TIAM1: variants seen among roughly 807,000 people sequenced by gnomAD.
TIAM1 encodes TIAM Rac1 associated GEF 1, also known as rho guanine nucleotide exchange factor TIAM1.
In TIAM1, 65 loss-of-function variants were observed where a neutral mutation model predicts 163.5. That is an observed-to-expected ratio of 0.40 (90% CI 0.33 to 0.49). The LOEUF (loss-of-function observed/expected upper bound fraction) is 0.49, where lower values mean the gene tolerates loss of function less well. TIAM1 is among the 20% of genes least tolerant of loss of function. The pLI is 0.77. For synonymous variants in TIAM1, 833 were observed against 810.1 expected (o/e 1.03, Z -0.48); for missense variants, 1,789 against 2,044.7 (o/e 0.87, Z 2.41).
At chr21:31,164,902 T>C (rs901693980) in intron 16 of TIAM1, 60 bp downstream of exon 16, 293 of 1,549,880 alleles carry the variant, frequency 1.9e-4, no homozygotes, top group Non-Finnish European at 2.5e-4. Flanking sequence ...GTAGGTGACA[T>C]TGTCAGCTGT....
chr21:31,505,898 A>T (rs2047008109), intron 1 of TIAM1, among the ~76,000 whole-genome samples: 1 of 150,954 alleles, frequency 6.6e-6, no homozygotes, highest in Non-Finnish European at 1.5e-5. Context: ...AGTCCCAGCT[A>T]CTTGGGAGGC....
intron 2 of TIAM1, among the ~76,000 whole-genome samples, chr21:31,453,734 A>G (rs2044974240): frequency 6.6e-6 from 1 of 150,854 alleles, no homozygotes; most frequent in African/African-American, 2.4e-5. Flanking sequence ...AAATAAATAA[A>G]TTTTAAAAAA....
intron 2 of TIAM1, among the ~76,000 whole-genome samples, chr21:31,461,866 C>T (rs928243104): frequency 1.6e-4 from 25 of 152,194 alleles, no homozygotes; most frequent in Admixed American, 4.6e-4. Flanking sequence ...GGGGTCTCTC[C>T]GTGTTGCCCA....
intron 1 of TIAM1, among the ~76,000 whole-genome samples, chr21:31,527,518 G>A (rs985652698): frequency 1.3e-5 from 2 of 152,114 alleles, no homozygotes; most frequent in Non-Finnish European, 2.9e-5. Context: ...GACATTCGAA[G>A]AGCATGGGGA....
intron 27 of TIAM1, among the ~76,000 whole-genome samples, chr21:31,123,530 A>ATTAG (rs148997596): frequency 0.053 from 8,127 of 152,224 alleles, 712 homozygotes; most frequent in African/African-American, 0.19. Flanking sequence ...AGTCCCCTAA[A>ATTAG]TTAAATTTAA....
chr21:31,482,718 T>C (rs1468899682), intron 1 of TIAM1, among the ~76,000 whole-genome samples: 1 of 152,170 alleles, frequency 6.6e-6, no homozygotes, highest in Non-Finnish European at 1.5e-5. Context: ...CCTGCCCATG[T>C]GCATCTGGTA....
At chr21:31,209,684 T>C (rs534388227) in intron 11 of TIAM1, among the ~76,000 whole-genome samples, 58 of 152,338 alleles carry the variant, frequency 3.8e-4, no homozygotes, top group African/African-American at 1.3e-3. Context: ...AACGCCAAAA[T>C]GTTTGCAATG....
intron 15 of TIAM1, among the ~76,000 whole-genome samples, chr21:31,173,374 C>T (rs568975615): frequency 4.6e-5 from 7 of 152,248 alleles, no homozygotes; most frequent in African/African-American, 1.7e-4. Flanking sequence ...TTAGCTGGAA[C>T]TCAACTGTTA....
At chr21:31,308,206 G>A (rs943885676) in intron 2 of TIAM1, among the ~76,000 whole-genome samples, 12 of 152,132 alleles carry the variant, frequency 7.9e-5, no homozygotes, top group African/African-American at 1.9e-4. Context: ...AGCTAAGATC[G>A]CGCCACTGCA....
intron 14 of TIAM1, among the ~76,000 whole-genome samples, chr21:31,186,795 AG>A (rs1262922411): frequency 6.6e-6 from 1 of 152,202 alleles, no homozygotes; most frequent in Non-Finnish European, 1.5e-5. Flanking sequence ...AATTAAAAAA[AG>A]AAAAAAAAAG....
chr21:31,134,690 T>C (rs1382386188), intron 23 of TIAM1, among the ~76,000 whole-genome samples: 2 of 152,172 alleles, frequency 1.3e-5, no homozygotes, highest in Non-Finnish European at 2.9e-5. Context: ...TTTGTATTTT[T>C]AGTAAGGACG....
chr21:31,181,859 ACTGCAGCCTCAAACTCCTGGG>A (rs1180650622), intron 15 of TIAM1, among the ~76,000 whole-genome samples: 3 of 132,986 alleles, frequency 2.3e-5, no homozygotes, highest in African/African-American at 8.6e-5. Flanking sequence ...ATCACAGCTT[ACTGCAGCCTCAAACTCCTGGG>A]CCCAAGCGAT....
At chr21:31,533,530 G>A (rs958372404) in intron 1 of TIAM1, among the ~76,000 whole-genome samples, 1 of 152,062 alleles carries the variant, frequency 6.6e-6, no homozygotes, top group African/African-American at 2.4e-5. Flanking sequence ...AACCCAGGAG[G>A]CTCACTTGAG....
chr21:31,130,132 C>A, intron 25 of TIAM1, 81 bp downstream of exon 25: 14 of 1,166,300 alleles, frequency 1.2e-5, no homozygotes, highest in East Asian at 2.5e-5. Flanking sequence ...AGAGTTAGAC[C>A]AAGAGTGTGG....
At chr21:31,378,069 G>C (rs1346438840) in intron 2 of TIAM1, among the ~76,000 whole-genome samples, 1 of 149,642 alleles carries the variant, frequency 6.7e-6, no homozygotes, top group African/African-American at 2.5e-5. Context: ...CTGGGAGGTG[G>C]AGGTTGCAGT....
At chr21:31,210,814 G>GAAAGAAAGAAAGA (rs147674572) in intron 10 of TIAM1, among the ~76,000 whole-genome samples, 61 of 147,612 alleles carry the variant, frequency 4.1e-4, no homozygotes, top group African/African-American at 1.5e-3. Context: ...AAGAAAGAAA[G>GAAAGAAAGAAAGA]GTCACCATTC....
intron 4 of TIAM1, among the ~76,000 whole-genome samples, chr21:31,254,363 C>G (rs1169516106): frequency 6.6e-6 from 1 of 152,226 alleles, no homozygotes; most frequent in East Asian, 1.9e-4. Context: ...GACCTCATGA[C>G]TCAGCTGCAG....
intron 10 of TIAM1, among the ~76,000 whole-genome samples, chr21:31,212,251 C>T (rs2086922141): frequency 1.3e-5 from 2 of 152,084 alleles, no homozygotes; most frequent in Admixed American, 6.6e-5. Context: ...CTCCCCATGG[C>T]ACTCTGGATT....
chr21:31,256,638 C>A (rs1331754874), intron 4 of TIAM1, among the ~76,000 whole-genome samples: 1 of 85,610 alleles, frequency 1.2e-5, no homozygotes, highest in African/African-American at 4.5e-5. Flanking sequence ...CGTATATTAT[C>A]TTTGGCTCTC....
Sources: allele counts gnomAD v4.1 joint callset (sites outside exome capture counted in the v4.1 genomes callset), GRCh38; gene constraint gnomAD v4.1.1; transcripts MANE v1.5; gene names NCBI Gene and HGNC (gene_info 2026-07-23, HGNC 2026-07-21).